NTM: variants seen among roughly 807,000 people sequenced by gnomAD.
NTM encodes IgLON family member 2.
NTM carries 13 observed loss-of-function variants against 42.1 expected under a neutral mutation model. The observed-to-expected ratio is 0.31, with a 90% CI of 0.20 to 0.49. The LOEUF (loss-of-function observed/expected upper bound fraction) is 0.49. NTM is among the 20% of genes least tolerant of loss of function. The pLI is 0.99. For missense variants in NTM, 373 were observed against 452.8 expected, an observed-to-expected ratio of 0.82 and a Z score of 1.60; for synonymous variants, 187 against 179.2, an observed-to-expected ratio of 1.04 and a Z score of -0.35.
intron 1 of NTM, among the ~76,000 whole-genome samples, chr11:131,818,160 G>A (rs2093029484): frequency 6.6e-6 from 1 of 152,088 alleles, no homozygotes; most frequent in African/African-American, 2.4e-5. Context: ...ACGCTGCAGT[G>A]CATCCTTTAC....
chr11:131,384,803 G>C (rs1253432323), intron 1 of NTM, among the ~76,000 whole-genome samples: 1 of 152,222 alleles, frequency 6.6e-6, no homozygotes, highest in Non-Finnish European at 1.5e-5. Context: ...ATTAGATTCA[G>C]CTGCAAATGA....
At chr11:132,041,194 T>G (rs67505630) in intron 2 of NTM, among the ~76,000 whole-genome samples, 51,535 of 145,904 alleles carry the variant, frequency 0.35, 9,603 homozygotes, top group East Asian at 0.78. Flanking sequence ...TTTGTTTGTG[T>G]GTGGGTGTGT....
At chr11:131,825,618 A>G (rs2042036788) in intron 1 of NTM, among the ~76,000 whole-genome samples, 1 of 152,198 alleles carries the variant, frequency 6.6e-6, no homozygotes, top group Admixed American at 6.5e-5. Context: ...TGTTGAAGAC[A>G]GTTGCAGCCA....
At chr11:131,606,843 C>CA (rs919599321) in intron 1 of NTM, among the ~76,000 whole-genome samples, 5 of 151,436 alleles carry the variant, frequency 3.3e-5, no homozygotes, top group South Asian at 2.1e-4. Flanking sequence ...TACCCCAGCA[C>CA]AAAAAAAAGA....
intron 2 of NTM, among the ~76,000 whole-genome samples, chr11:131,975,002 A>C (rs1430057285): frequency 6.6e-6 from 1 of 152,124 alleles, no homozygotes; most frequent in Admixed American, 6.5e-5. Context: ...CCTTCAGTAG[A>C]TCTCCCTGCA....
intron 1 of NTM, among the ~76,000 whole-genome samples, chr11:131,477,000 C>G (rs1020380355): frequency 6.6e-6 from 1 of 152,064 alleles, no homozygotes; most frequent in Non-Finnish European, 1.5e-5. Context: ...CCCCGCACCC[C>G]GTGTTTTAAC....
At chr11:131,772,121 C>A (rs1565528011) in intron 1 of NTM, among the ~76,000 whole-genome samples, 1 of 152,064 alleles carries the variant, frequency 6.6e-6, no homozygotes, top group Non-Finnish European at 1.5e-5. Context: ...TATCAAGCTC[C>A]TGATTTGAGT....
intron 1 of NTM, chr11:131,537,201 AC>A (rs986301544): frequency 6.6e-6 from 1 of 151,708 alleles, no homozygotes; most frequent in South Asian, 2.1e-4. Flanking sequence ...AAAAAAAAAA[AC>A]AATTGAGTTG....
At chr11:131,459,929 T>A (rs1224910857) in intron 1 of NTM, among the ~76,000 whole-genome samples, 2 of 152,166 alleles carry the variant, frequency 1.3e-5, no homozygotes, top group African/African-American at 4.8e-5. Flanking sequence ...GTGGGCCAGG[T>A]TTTGTATTTT....
At chr11:131,605,079 C>T (rs1329881304) in intron 1 of NTM, among the ~76,000 whole-genome samples, 5 of 151,278 alleles carry the variant, frequency 3.3e-5, no homozygotes, top group African/African-American at 1.2e-4. Flanking sequence ...TTAGGATCAT[C>T]TTGTCAATTT....
intron 2 of NTM, among the ~76,000 whole-genome samples, chr11:132,082,430 C>CAGGAAATGCATG (rs2059196330): frequency 6.6e-6 from 1 of 152,162 alleles, no homozygotes; most frequent in Non-Finnish European, 1.5e-5. Flanking sequence ...ACTCCATTCC[C>CAGGAAATGCATG]CCGGTATGCA....
At chr11:132,006,500 A>G (rs1213139509) in intron 2 of NTM, among the ~76,000 whole-genome samples, 2 of 152,256 alleles carry the variant, frequency 1.3e-5, no homozygotes, top group African/African-American at 4.8e-5. Context: ...TTGCAAGAAC[A>G]TCGTAGGACA....
chr11:132,198,965 A>G (rs79838051), intron 3 of NTM, among the ~76,000 whole-genome samples: 41 of 152,212 alleles, frequency 2.7e-4, no homozygotes, highest in Non-Finnish European at 4.0e-4. Context: ...ATGATCAGCA[A>G]TGTTTCAGAC....
chr11:131,789,005 T>C (rs1440451619), intron 1 of NTM, among the ~76,000 whole-genome samples: 3 of 152,162 alleles, frequency 2.0e-5, no homozygotes, highest in African/African-American at 7.2e-5. Context: ...GAGTGTTTCC[T>C]TCCAGGGGGC....
intron 2 of NTM, among the ~76,000 whole-genome samples, chr11:132,038,626 C>T (rs757981879): frequency 5.3e-5 from 8 of 152,186 alleles, no homozygotes; most frequent in Non-Finnish European, 1.2e-4. Flanking sequence ...GTTCAGTCAA[C>T]CCTTGCTGCT....
At chr11:132,182,585 G>A (rs1262085117) in intron 3 of NTM, among the ~76,000 whole-genome samples, 2 of 152,160 alleles carry the variant, frequency 1.3e-5, no homozygotes, top group East Asian at 1.9e-4. Context: ...ACTAAAACTG[G>A]AAAGTAATAA....
chr11:132,163,768 T>TA (rs1404746206), intron 3 of NTM, among the ~76,000 whole-genome samples: 3 of 152,378 alleles, frequency 2.0e-5, no homozygotes, highest in East Asian at 3.9e-4. Flanking sequence ...GGAGGCCACC[T>TA]AGCCAGTGAT....
chr11:131,808,089 G>A (rs1719996355), intron 1 of NTM, among the ~76,000 whole-genome samples: 1 of 152,174 alleles, frequency 6.6e-6, no homozygotes, highest in East Asian at 1.9e-4. Flanking sequence ...CTGGACAGGT[G>A]ACTCACTGGG....
intron 4 of NTM, among the ~76,000 whole-genome samples, chr11:132,299,957 A>T (rs1301303482): frequency 1.3e-5 from 2 of 152,100 alleles, no homozygotes; most frequent in South Asian, 4.1e-4. Flanking sequence ...TTTTATTTTT[A>T]GTTCTGAAAC....
Sources: allele counts gnomAD v4.1 joint callset (sites outside exome capture counted in the v4.1 genomes callset), GRCh38; gene constraint gnomAD v4.1.1; transcripts MANE v1.5; gene names NCBI Gene and HGNC (gene_info 2026-07-23, HGNC 2026-07-21).